GAS2L3: variants seen among roughly 807,000 people sequenced by gnomAD.
GAS2L3 encodes the protein GAS2-like protein 3.
Under a neutral mutation model 37.0 loss-of-function variants are expected in GAS2L3, and 28 were observed. That is an observed-to-expected ratio of 0.76 (90% confidence interval 0.56 to 1.04). The LOEUF (loss-of-function observed/expected upper bound fraction) is 1.04, where lower values mean the gene tolerates loss of function less well. GAS2L3 is among the 50% of genes least tolerant of loss of function. The pLI, the probability that GAS2L3 is intolerant of heterozygous loss-of-function variation, is 0.00. For synonymous variants in GAS2L3, 290 were observed against 296.6 expected (o/e 0.98, Z 0.23); for missense variants, 793 against 817.6 (o/e 0.97, Z 0.37).
At chr12:100,578,030 C>G (rs1042734401) in intron 1 of GAS2L3, among the ~76,000 whole-genome samples, 2 of 152,190 alleles carry the variant, frequency 1.3e-5, no homozygotes, top group Non-Finnish European at 2.9e-5. Context: ...GGGTTATAAG[C>G]AGGGCAGTAG....
chr12:100,627,276 G>T lies in GAS2L3; in HGVS notation c.*2386G>T, dbSNP rs1956341845. On this transcript the variant is annotated 3_prime_UTR_variant, in exon 10 of 10. Coordinates refer to ENST00000547754, the MANE Select transcript of GAS2L3 (RefSeq NM_174942.3). ...TTTTAATGTTGTTTTGTTTTGTTTT[G>T]TTTTTTTCCTTTTTTGAGACGGAGT... is the stretch of plus-strand genomic sequence containing the variant. Among the ~76,000 whole-genome samples the T allele has an allele frequency of 6.6e-6, 1 of 151,058 alleles. No homozygotes were observed. The highest frequency in any genetic ancestry group is 2.4e-5 in the African/African-American group (1 of 41,080).
chr12:100,586,935 C>T (rs183285431), intron 1 of GAS2L3, among the ~76,000 whole-genome samples: 166 of 152,218 alleles, frequency 1.1e-3, no homozygotes, highest in Admixed American at 2.1e-3. Context: ...TCATTCAAGG[C>T]TACTATGAAC....
chr12:100,579,049 G>A lies in GAS2L3; in HGVS notation c.-152+5264G>A, dbSNP rs1955674590. ...TGAAAGTCATGTATAACCAGTCTAT[G>A]GCCATGACCCTCTTTCACAGTCTGC... On this transcript the variant is annotated intron_variant, in intron 1 of 9. Coordinates refer to ENST00000547754, the MANE Select transcript of GAS2L3 (RefSeq NM_174942.3). 5 of 754,848 alleles carry A rather than the reference G, an allele frequency of 6.6e-6. No individual in the cohort carries two copies. In the East Asian group the frequency reaches 1.3e-4, roughly 20 times the overall value. 46.8% of individuals were successfully genotyped at this position (754,848 alleles called of 1,614,324 possible).
In GAS2L3 at chr12:100,628,077, T is replaced by A. The variant is rs1006441119; in HGVS notation, c.*3187T>A. The A allele has an allele frequency of 5.9e-5, 9 of 152,206 alleles. No homozygotes were observed. Among genetic ancestry groups the A allele is most frequent in the African/African-American group, 2.2e-4 (9 of 41,450 alleles). 9.4% of individuals were successfully genotyped at this position (152,206 alleles called of 1,614,324 possible). A position where few individuals can be genotyped will look rare whatever the true frequency, so the allele number is the denominator to read the frequency against. ...GAGAACTTAAGGAAAAGTTACTGTT[T>A]TTCTTCAGTCTTTTTATATCTATCT... is the stretch of plus-strand genomic sequence containing the variant. On this transcript the variant is annotated 3_prime_UTR_variant, in exon 10 of 10. Transcript: ENST00000547754.
intron 1 of GAS2L3, among the ~76,000 whole-genome samples, chr12:100,590,563 C>T (rs1392907304): frequency 1.3e-5 from 2 of 152,204 alleles, no homozygotes; most frequent in Non-Finnish European, 2.9e-5. Context: ...AATCCCACTA[C>T]TGGGTATCTA....
At chr12:100,576,550 A>G (rs1197430023) in intron 1 of GAS2L3, among the ~76,000 whole-genome samples, 2 of 152,206 alleles carry the variant, frequency 1.3e-5, no homozygotes, top group Non-Finnish European at 2.9e-5. Context: ...ATAGAATCTG[A>G]GAAAATAGGA....
intron 1 of GAS2L3, among the ~76,000 whole-genome samples, chr12:100,586,338 G>A (rs528274815): frequency 6.6e-6 from 1 of 152,234 alleles, no homozygotes; most frequent in East Asian, 1.9e-4. Context: ...GGCATAAAAC[G>A]AGCCTCAGTA....
intron 1 of GAS2L3, chr12:100,579,715 G>A (rs981126413): frequency 1.3e-6 from 1 of 766,664 alleles, no homozygotes; most frequent in African/African-American, 1.7e-5. Flanking sequence ...GCCAGCTGTG[G>A]TTTACAGGTT....
At chr12:100,580,797 A>T (rs891463972) in intron 1 of GAS2L3, among the ~76,000 whole-genome samples, 2 of 152,204 alleles carry the variant, frequency 1.3e-5, no homozygotes, top group African/African-American at 4.8e-5. Flanking sequence ...TGGAATGTTG[A>T]ACTAGATGCT....
At position 100,624,971 on chromosome 12, in the gene GAS2L3, C is replaced by T. The variant is rs1956317756; in HGVS notation, c.*81C>T. 5.4e-6 allele frequency: 6 copies of T among 1,114,086 alleles called. No individual in the cohort carries two copies. The highest frequency in any genetic ancestry group is 1.6e-5 in the African/African-American group (1 of 63,678). The allele number at this position is 1,114,086 out of a possible 1,614,324, so 69.0% of individuals were successfully genotyped here. A position where few individuals can be genotyped will look rare whatever the true frequency, so the allele number is the denominator to read the frequency against. ...TCTTAAAAGTTTCTCCTATTTGTGT[C>T]TGTCTAAATAGGTGCAGACACTAAG... On this transcript the variant is annotated 3_prime_UTR_variant, in exon 10 of 10. Coordinates refer to ENST00000547754, the MANE Select transcript of GAS2L3 (RefSeq NM_174942.3).
At chr12:100,616,461 G>T (rs1956188751) in intron 6 of GAS2L3, among the ~76,000 whole-genome samples, 1 of 151,760 alleles carries the variant, frequency 6.6e-6, no homozygotes, top group Admixed American at 6.6e-5. Context: ...TTGAGACAGG[G>T]TCTCACTCTG....
chr12:100,579,160 C>T, intron 1 of GAS2L3: 1 of 673,074 alleles, frequency 1.5e-6, no homozygotes, highest in South Asian at 1.6e-5. Context: ...ATGATGTTCT[C>T]TTCCATGCCA....
At chr12:100,622,492 T>C (rs1438980678) in intron 9 of GAS2L3, 110 bp downstream of exon 9, 1 of 567,894 alleles carries the variant, frequency 1.8e-6, no homozygotes, top group African/African-American at 1.9e-5. Context: ...TTGGAAAAGA[T>C]GCTATTAATG....
intron 5 of GAS2L3, among the ~76,000 whole-genome samples, chr12:100,602,414 G>C (rs1593175220): frequency 6.6e-6 from 1 of 151,904 alleles, no homozygotes; most frequent in East Asian, 1.9e-4. Context: ...AAATATAAAG[G>C]AGTATCATCA....
intron 8 of GAS2L3, among the ~76,000 whole-genome samples, chr12:100,620,381 C>T (rs1341634313): frequency 6.6e-6 from 1 of 151,692 alleles, no homozygotes; most frequent in Non-Finnish European, 1.5e-5. Flanking sequence ...TTTTTATTTC[C>T]TTAGCTATTT....
chr12:100,616,882 C>T (rs1437632788), intron 6 of GAS2L3, among the ~76,000 whole-genome samples: 1 of 152,098 alleles, frequency 6.6e-6, no homozygotes, highest in Admixed American at 6.6e-5. Context: ...GAGTGGACAT[C>T]CTTGTCTTTT....
chr12:100,622,039 T>C (rs1279406955), intron 8 of GAS2L3, among the ~76,000 whole-genome samples: 2 of 152,046 alleles, frequency 1.3e-5, no homozygotes, highest in Admixed American at 1.3e-4. Context: ...TTTGGTAAAA[T>C]TGGGGAAAAT....
chr12:100,608,712 A>G (rs1372345084), intron 5 of GAS2L3, among the ~76,000 whole-genome samples: 1 of 151,732 alleles, frequency 6.6e-6, no homozygotes, highest in Non-Finnish European at 1.5e-5. Context: ...TTTAGTAGAG[A>G]CGGGGTTTCA....
chr12:100,596,808 T>A (rs1329865750), intron 3 of GAS2L3, among the ~76,000 whole-genome samples: 1 of 152,072 alleles, frequency 6.6e-6, no homozygotes, highest in Admixed American at 6.6e-5. Context: ...ATGAAGTCAC[T>A]CTCTGTGAAA....
Sources: allele counts gnomAD v4.1 joint callset (sites outside exome capture counted in the v4.1 genomes callset), GRCh38; gene constraint gnomAD v4.1.1; transcripts MANE v1.5; gene names NCBI Gene and HGNC (gene_info 2026-07-23, HGNC 2026-07-21).